Variants in HMOX2 observed in about 807,000 individuals in gnomAD.
The protein encoded by HMOX2 is heme oxygenase (decycling) 2.
Under a neutral mutation model 33.7 loss-of-function variants are expected in HMOX2, and 30 were observed. The ratio of observed to expected loss-of-function variants is 0.89; its 90% confidence interval spans 0.67 to 1.21. HMOX2 has a LOEUF of 1.21. Ranked by LOEUF, HMOX2 falls within the 50% of genes most tolerant of loss-of-function variation. HMOX2 has a pLI of 0.00. For synonymous variants in HMOX2, 155 were observed against 155.0 expected (o/e 1.00, Z 0.00); for missense variants, 403 against 399.1 (o/e 1.01, Z -0.08).
At chr16:4,487,151 C>G (rs13330679) in intron 1 of HMOX2, among the ~76,000 whole-genome samples, 1,835 of 152,092 alleles carry the variant, frequency 0.012, 39 homozygotes, top group African/African-American at 0.042. Context: ...CTCAGCTGCT[C>G]GAGAGGCTAA....
At chr16:4,490,390 C>CT (rs2058276202) in intron 1 of HMOX2, among the ~76,000 whole-genome samples, 1 of 152,112 alleles carries the variant, frequency 6.6e-6, no homozygotes, top group African/African-American at 2.4e-5. Flanking sequence ...CAAGGAAGTC[C>CT]TACAGCTAGC....
chr16:4,498,061 CTTTT>C (rs35332500), intron 1 of HMOX2, among the ~76,000 whole-genome samples: 2 of 104,396 alleles, frequency 1.9e-5, no homozygotes, highest in Non-Finnish European at 3.8e-5. Flanking sequence ...GATTCATTGT[CTTTT>C]TTTTTTTTTT....
chr16:4,494,519 G>C (rs1315645936), intron 1 of HMOX2, among the ~76,000 whole-genome samples: 1 of 152,008 alleles, frequency 6.6e-6, no homozygotes, highest in Admixed American at 6.6e-5. Context: ...CTTTAAGTGT[G>C]GTTATGAGAT....
chr16:4,475,085 G>T (rs2057779706), upstream of HMOX2, among the ~76,000 whole-genome samples: 1 of 151,862 alleles, frequency 6.6e-6, no homozygotes, highest in Non-Finnish European at 1.5e-5. Context: ...CCGAGTAGCT[G>T]GGATTACAAG....
chr16:4,491,897 T>C (rs1401923224), intron 1 of HMOX2, among the ~76,000 whole-genome samples: 1 of 151,888 alleles, frequency 6.6e-6, no homozygotes, highest in Non-Finnish European at 1.5e-5. Flanking sequence ...TTTGCCAGGC[T>C]GGTCTCGAGC....
At position 4,509,520 on chromosome 16, in the gene HMOX2, G is replaced by A. The variant is rs372920286; in HGVS notation, c.805G>A (p.Ala269Thr). The change falls in exon 5 of 6, where the codon GCT (alanine) becomes ACT (threonine). Residue 269 changes from alanine to threonine, a missense_variant. Physicochemically the swap from Ala to Thr is moderately conservative, Grantham distance 58. Coordinates refer to ENST00000570646, the MANE Select transcript of HMOX2 (RefSeq NM_002134.4). ...AGACATGCGTAAATGCCCTTTCTAC[G>A]CTGCTGAACAAGACAAAGGTAGGTC... ...KGDMRKCPFY[A>T]AEQDKGALEG... 5.0e-6 allele frequency: 8 copies of A among 1,614,012 alleles called. No individual in the cohort carries two copies. The highest frequency in any genetic ancestry group is 1.7e-5 in the Admixed American group (1 of 60,004).
chr16:4,485,283 A>T (rs757388864), intron 1 of HMOX2, among the ~76,000 whole-genome samples: 1 of 152,080 alleles, frequency 6.6e-6, no homozygotes, highest in Non-Finnish European at 1.5e-5. Flanking sequence ...GAATATTTTT[A>T]ATCTGAGGTT....
At chr16:4,499,290 A>G (rs1456464795) in intron 1 of HMOX2, among the ~76,000 whole-genome samples, 1 of 152,250 alleles carries the variant, frequency 6.6e-6, no homozygotes, top group Non-Finnish European at 1.5e-5. Context: ...GATTTTTAAA[A>G]GCTGGTATTT....
At chr16:4,480,640 A>G (rs1415370751) in intron 1 of HMOX2, among the ~76,000 whole-genome samples, 2 of 144,740 alleles carry the variant, frequency 1.4e-5, no homozygotes, top group African/African-American at 5.3e-5. Flanking sequence ...GTGCCCGGCT[A>G]AGGGCCTACT....
chr16:4,479,907 T>G lies in HMOX2; in HGVS notation c.-42+3420T>G, dbSNP rs2057973810. Among the ~76,000 whole-genome samples, 3 of 151,524 alleles carry G rather than the reference T, an allele frequency of 2.0e-5. No individual in the cohort carries two copies. The East Asian group carries it at 5.8e-4, about 29-fold the overall frequency. On this transcript the variant is annotated intron_variant, in intron 1 of 5. Transcript: ENST00000570646. ...GCGTATGCCACCATGCCTGGCTAAT[T>G]TTTGTATTTTTAGTAGAGATGAGGT...
chr16:4,500,789 G>C (rs770765795), intron 1 of HMOX2, among the ~76,000 whole-genome samples: 1 of 152,140 alleles, frequency 6.6e-6, no homozygotes, highest in Non-Finnish European at 1.5e-5. Context: ...CAAAAGCTTT[G>C]AGACAGTGTT....
At chr16:4,483,355 ATGGT>A (rs2058080998) in intron 1 of HMOX2, among the ~76,000 whole-genome samples, 1 of 152,012 alleles carries the variant, frequency 6.6e-6, no homozygotes, top group Admixed American at 6.6e-5. Flanking sequence ...CTCTAATCAC[ATGGT>A]TGGTTCCCCA....
At chr16:4,504,976 T>G (rs1332825191) in intron 1 of HMOX2, among the ~76,000 whole-genome samples, 2 of 152,124 alleles carry the variant, frequency 1.3e-5, no homozygotes, top group East Asian at 1.9e-4. Context: ...TGCCCTGCCT[T>G]GATACAGTTT....
intron 1 of HMOX2, among the ~76,000 whole-genome samples, chr16:4,484,460 CT>C (rs58092240): frequency 0.15 from 17,755 of 118,170 alleles, 2,709 homozygotes; most frequent in African/African-American, 0.46. Context: ...CTTTTCTTTT[CT>C]TTTTTTTTTT....
chr16:4,492,779 G>A (rs1350721311), intron 1 of HMOX2, among the ~76,000 whole-genome samples: 2 of 149,696 alleles, frequency 1.3e-5, no homozygotes, highest in Non-Finnish European at 3.0e-5. Context: ...GGCTCACCTT[G>A]TAATTCCAAC....
At position 4,509,464 on chromosome 16, in the gene HMOX2, A is replaced by C. The variant is rs1201174626; in HGVS notation, c.749A>C (p.Glu250Ala). Residue 250 changes from glutamate to alanine, a missense_variant, in exon 5 of 6, where the codon GAG (glutamate) becomes GCG (alanine). Glu to Ala is a moderately radical substitution (Grantham distance 107). Transcript: ENST00000570646. ...AGSTLARETL[E>A]DGFPVHDGKG... ...TCCACACTGGCCAGAGAGACCTTGG[A>C]GGATGGGTTCCCTGTACACGATGGG... 2 of 1,614,038 alleles carry C rather than the reference A, an allele frequency of 1.2e-6. No homozygotes were observed. Among genetic ancestry groups the C allele is most frequent in the African/African-American group, 2.7e-5 (2 of 74,912 alleles).
Position 4,507,770 on chromosome 16 carries a change from A to C in HMOX2, c.262A>C (p.Asn88His). The change falls in exon 4 of 6, where the codon AAC becomes CAC. Residue 88 changes from asparagine to histidine, a missense_variant. Physicochemically the swap from Asn to His is moderately conservative, Grantham distance 68. Coordinates refer to ENST00000570646, the MANE Select transcript of HMOX2 (RefSeq NM_002134.4). Reference protein sequence around the residue: ...YSALEEEMERNKDHPAFAPLY... With the variant: ...YSALEEEMERHKDHPAFAPLY... Reference sequence around the variant, plus strand: ...AGCCCTCGAGGAGGAAATGGAGCGCAACAAGGACCATCCAGCCTTTGCCCC... The same window carrying C: ...AGCCCTCGAGGAGGAAATGGAGCGCCACAAGGACCATCCAGCCTTTGCCCC... 6.2e-7 allele frequency: 1 copy of C among 1,614,172 alleles called. No individual in the cohort carries two copies. Among genetic ancestry groups the C allele is most frequent in the Non-Finnish European group, 8.5e-7 (1 of 1,180,028 alleles).
At chr16:4,506,677 T>C (rs1040688941) in intron 2 of HMOX2, among the ~76,000 whole-genome samples, 1 of 152,244 alleles carries the variant, frequency 6.6e-6, no homozygotes, top group African/African-American at 2.4e-5. Flanking sequence ...CAGTTATCCC[T>C]TGTGTCCTGA....
chr16:4,498,821 G>A (rs773948639), intron 1 of HMOX2, among the ~76,000 whole-genome samples: 4 of 152,184 alleles, frequency 2.6e-5, no homozygotes, highest in Non-Finnish European at 4.4e-5. Flanking sequence ...GAGACCTCAG[G>A]CCATTTATTC....
Sources: gnomAD v4.1 joint callset for allele counts (sites outside exome capture counted in the v4.1 genomes callset) on GRCh38, gnomAD v4.1.1 for gene constraint, MANE v1.5 for transcripts, NCBI Gene and HGNC (gene_info 2026-07-23, HGNC 2026-07-21) for gene names.